The following PCDH9 variants were observed in gnomAD, a reference collection of about 807,000 sequenced individuals.
PCDH9 encodes the protein protocadherin 9.
PCDH9 carries 24 observed loss-of-function variants against 70.6 expected under a neutral mutation model. The observed-to-expected ratio is 0.34, with a 90% CI of 0.25 to 0.48. The LOEUF (loss-of-function observed/expected upper bound fraction) is 0.48, where lower values mean the gene tolerates loss of function less well. Among genes scored for constraint, PCDH9 ranks in the 20% least tolerant of loss-of-function variants. The pLI, the probability that PCDH9 is intolerant of heterozygous loss-of-function variation, is 0.99. For synonymous variants in PCDH9, 562 were observed against 558.5 expected (o/e 1.01, Z -0.09); for missense variants, 1,281 against 1,503.6 (o/e 0.85, Z 2.45).
chr13:66,582,719 A>T (rs1327120737), intron 4 of PCDH9, among the ~76,000 whole-genome samples: 33 of 152,184 alleles, frequency 2.2e-4, no homozygotes, highest in Admixed American at 2.2e-3. Flanking sequence ...TGTTCTTTTA[A>T]CATTTCTTTA....
chr13:66,662,038 A>AGTATGTGTGTGTGTGTGTGTGT, intron 3 of PCDH9, among the ~76,000 whole-genome samples: 2 of 113,372 alleles, frequency 1.8e-5, no homozygotes, highest in African/African-American at 7.3e-5. Flanking sequence ...ATCCTTTGTG[A>AGTATGTGTGTGTGTGTGTGTGT]GTATGTGTGT....
Position 67,226,443 on chromosome 13 carries a change from C to T in PCDH9, c.1998G>A (p.Met666Ile). The T allele has an allele frequency of 6.2e-7, 1 of 1,613,720 alleles. No individual in the cohort carries two copies. Residue 666 changes from methionine to isoleucine, a missense_variant, in exon 2 of 5, where the codon ATG (methionine) becomes ATA (isoleucine). Met to Ile is a conservative substitution (Grantham distance 10, BLOSUM62 1). Coordinates refer to ENST00000377865, the MANE Select transcript of PCDH9 (RefSeq NM_203487.3). The surrounding 1 kb of genome is among the most constrained non-coding windows in gnomAD (Gnocchi z 5.0). ...SSTAKVTINV[M>I]DVNDNSPVVI... ...CAACTGGGCTGTTGTCATTGACATC[C>T]ATGACGTTGATAGTTACTTTTGCAG...
At chr13:67,031,103 G>T (rs1316960219) in intron 2 of PCDH9, among the ~76,000 whole-genome samples, 4 of 152,132 alleles carry the variant, frequency 2.6e-5, no homozygotes, top group Admixed American at 2.6e-4. Context: ...GAAGCTTTGA[G>T]TTATCTGTAA....
At chr13:66,946,799 T>A (rs944227918) in intron 2 of PCDH9, among the ~76,000 whole-genome samples, 1 of 151,984 alleles carries the variant, frequency 6.6e-6, no homozygotes, top group Non-Finnish European at 1.5e-5. Flanking sequence ...TCCCAAAAGG[T>A]ATAATATATA....
At chr13:66,462,534 G>C (rs76401079) in intron 4 of PCDH9, among the ~76,000 whole-genome samples, 2,450 of 151,774 alleles carry the variant, frequency 0.016, 62 homozygotes, top group East Asian at 0.088. Context: ...TTATCTGCCC[G>C]TTAGAATCAG....
chr13:66,937,850 G>C (rs2082942385), intron 2 of PCDH9, among the ~76,000 whole-genome samples: 1 of 150,238 alleles, frequency 6.7e-6, no homozygotes, highest in Admixed American at 6.6e-5. Context: ...AATTTGTTCT[G>C]ACCATGAGGT....
intron 4 of PCDH9, among the ~76,000 whole-genome samples, chr13:66,427,921 G>A (rs1346429921): frequency 6.6e-6 from 1 of 151,640 alleles, no homozygotes; most frequent in Non-Finnish European, 1.5e-5. Flanking sequence ...GCTGATAATT[G>A]TTAAGTAACA....
At chr13:67,223,295 T>C (rs954746809) in intron 2 of PCDH9, 2 of 152,164 alleles carry the variant, frequency 1.3e-5, no homozygotes, top group African/African-American at 2.4e-5. Flanking sequence ...TTTATGTCAC[T>C]ACACTATATA....
At chr13:66,659,792 TG>T (rs1177564205) in intron 3 of PCDH9, among the ~76,000 whole-genome samples, 1 of 151,536 alleles carries the variant, frequency 6.6e-6, no homozygotes, top group East Asian at 1.9e-4. Flanking sequence ...GAAGCTGATT[TG>T]GGGTGTGTGC....
At chr13:66,519,450 T>C (rs997637647) in intron 4 of PCDH9, among the ~76,000 whole-genome samples, 43 of 152,262 alleles carry the variant, frequency 2.8e-4, no homozygotes, top group African/African-American at 1.0e-3. Context: ...GAGCACTCTT[T>C]ATAATCTCAG....
chr13:67,104,839 G>A (rs760787209), intron 2 of PCDH9, among the ~76,000 whole-genome samples: 11 of 152,272 alleles, frequency 7.2e-5, no homozygotes, highest in Admixed American at 5.9e-4. Context: ...GCGAGCCACC[G>A]CGCTGGGCCA....
intron 2 of PCDH9, among the ~76,000 whole-genome samples, chr13:67,106,413 T>C (rs1035140317): frequency 3.3e-5 from 5 of 152,258 alleles, no homozygotes; most frequent in East Asian, 3.8e-4. Context: ...GGACTTGTTC[T>C]GTATTTAATG....
Position 66,326,880 on chromosome 13 carries a change from C to CAT in PCDH9, c.3341-21853_3341-21852insAT, listed in dbSNP as rs1566243237. 7.3e-3 allele frequency among the ~76,000 whole-genome samples: 1,116 copies of CAT among 152,202 alleles called. 8 individuals are homozygous for CAT. The highest frequency in any genetic ancestry group is 0.025 in the African/African-American group (1,046 of 41,510). On this transcript the variant is annotated intron_variant, in intron 4 of 4. Coordinates refer to ENST00000377865, the MANE Select transcript of PCDH9 (RefSeq NM_203487.3). ...ACAAAACAAAATGCCTCTTCTTCCC[C>CAT]ACCCAACTTAAGCACAATGGCTTAG...
intron 2 of PCDH9, among the ~76,000 whole-genome samples, chr13:67,008,000 C>T (rs1039114146): frequency 1.1e-4 from 16 of 152,200 alleles, no homozygotes; most frequent in African/African-American, 3.9e-4. Flanking sequence ...TTCATATTAG[C>T]ATCCTTCATG....
At chr13:66,508,751 A>G (rs1172030805) in intron 4 of PCDH9, among the ~76,000 whole-genome samples, 2 of 152,208 alleles carry the variant, frequency 1.3e-5, no homozygotes, top group Non-Finnish European at 2.9e-5. Flanking sequence ...ACAGTATGAC[A>G]GGCTGAATAA....
intron 2 of PCDH9, among the ~76,000 whole-genome samples, chr13:66,939,797 A>T (rs945155448): frequency 6.6e-6 from 1 of 152,076 alleles, no homozygotes; most frequent in Admixed American, 6.6e-5. Context: ...CTGATAGAAG[A>T]CTACAAGGCT....
At chr13:67,009,594 T>G (rs1242056104) in intron 2 of PCDH9, among the ~76,000 whole-genome samples, 1 of 152,036 alleles carries the variant, frequency 6.6e-6, no homozygotes, top group Non-Finnish European at 1.5e-5. Context: ...CCTTCTCTGG[T>G]CTGTACTCCT....
chr13:66,709,209 T>G (rs1044790034), intron 3 of PCDH9, among the ~76,000 whole-genome samples: 1 of 152,208 alleles, frequency 6.6e-6, no homozygotes, highest in Non-Finnish European at 1.5e-5. Context: ...ATTTACAGAC[T>G]TAGGGAACCA....
At chr13:66,952,613 GC>G (rs1427840351) in intron 2 of PCDH9, among the ~76,000 whole-genome samples, 2 of 152,100 alleles carry the variant, frequency 1.3e-5, no homozygotes, top group African/African-American at 2.4e-5. Context: ...TCAGTTATGT[GC>G]TATAACCTCC....
Sources: allele counts gnomAD v4.1 joint callset (sites outside exome capture counted in the v4.1 genomes callset), GRCh38; gene constraint gnomAD v4.1.1; non-coding constraint Gnocchi (gnomAD v3.1); transcripts MANE v1.5; gene names NCBI Gene and HGNC (gene_info 2026-07-23, HGNC 2026-07-21).